Variants in TNKS observed in about 807,000 individuals in gnomAD.
TNKS encodes poly [ADP-ribose] polymerase tankyrase-1.
TNKS carries 72 observed loss-of-function variants against 135.8 expected under a neutral mutation model. The ratio of observed to expected loss-of-function variants is 0.53; its 90% CI spans 0.44 to 0.64. The LOEUF is 0.64. Among genes scored for constraint, TNKS ranks in the 30% least tolerant of loss-of-function variants. The probability of loss-of-function intolerance (pLI) is 0.00; values close to 1 mark genes in which losing one functional copy is unlikely to be tolerated. For missense variants in TNKS, 1,769 were observed against 1,674.0 expected (o/e 1.06, Z -0.99); for synonymous variants, 849 against 649.3 (o/e 1.31, Z -4.68).
intron 5 of TNKS, among the ~76,000 whole-genome samples, chr8:9,683,310 C>G (rs1802859955): frequency 6.6e-6 from 1 of 151,878 alleles, no homozygotes; most frequent in Non-Finnish European, 1.5e-5. Context: ...AAGTATCTGT[C>G]CTAGTAGATA....
At chr8:9,712,757 G>A (rs1013715954) in intron 11 of TNKS, among the ~76,000 whole-genome samples, 4 of 152,042 alleles carry the variant, frequency 2.6e-5, no homozygotes, top group African/African-American at 9.6e-5. Context: ...AGATGTGGTG[G>A]TGCATTCCTG....
chr8:9,556,551 G>GTAAAT lies in TNKS; in HGVS notation c.612_613insTAAAT (p.Ala205Ter). 2 of 1,614,174 alleles carry GTAAAT rather than the reference G, an allele frequency of 1.2e-6. No homozygotes were observed. Among genetic ancestry groups the GTAAAT allele is most frequent in the Non-Finnish European group, 1.7e-6 (2 of 1,180,050 alleles). On this transcript the variant is annotated stop_gained and frameshift_variant, in exon 1 of 27. Transcript: ENST00000310430. LOFTEE classifies it high-confidence loss of function. The stretch of plus-strand genomic sequence containing the variant: ...CCCGGGTAAAGAGGCTGGTGGACGC[G>GTAAAT]GCAAACGTAAATGCAAAGGACATGG...
At chr8:9,652,341 A>G (rs368759550) in intron 3 of TNKS, among the ~76,000 whole-genome samples, 11 of 152,184 alleles carry the variant, frequency 7.2e-5, no homozygotes, top group African/African-American at 2.4e-4. Context: ...GATCTGCATG[A>G]TTTTTCTAAT....
At chr8:9,667,180 T>C (rs546343675) in intron 3 of TNKS, among the ~76,000 whole-genome samples, 1 of 152,222 alleles carries the variant, frequency 6.6e-6, no homozygotes, top group Non-Finnish European at 1.5e-5. Context: ...TCTTAATATT[T>C]GTATTATTTT....
chr8:9,782,283 G>C lies in TNKS; in HGVS notation c.*5547G>C, dbSNP rs1042231076. On this transcript the variant is annotated 3_prime_UTR_variant, in exon 27 of 27. Coordinates refer to ENST00000310430, the MANE Select transcript of TNKS (RefSeq NM_003747.3). ...TATATTTAACCTGCAATTGTGCTTT[G>C]GCTTAATGTCTAGCTCACTGTACTT... is the stretch of plus-strand genomic sequence containing the variant. 3 of 152,556 alleles carry C rather than the reference G, an allele frequency of 2.0e-5. No individual in the cohort carries two copies. Among genetic ancestry groups the C allele is most frequent in the African/African-American group, 7.2e-5 (3 of 41,430 alleles). 9.5% of individuals were successfully genotyped at this position (152,556 alleles called of 1,614,324 possible).
chr8:9,575,173 G>T lies in TNKS; in HGVS notation c.674-4986G>T, dbSNP rs189297680. On this transcript the variant is annotated intron_variant, in intron 1 of 26. Transcript: ENST00000310430. The stretch of plus-strand genomic sequence containing the variant: ...GCGATCTCGGCTCATTGCAAGCTCC[G>T]CCTCCCGGGTTCACGCCATTCTCCT... 984 of 713,994 alleles carry T rather than the reference G, an allele frequency of 1.4e-3. 9 individuals carry two copies. The African/African-American group carries it at 0.018, about 13-fold the overall frequency. 44.2% of individuals were successfully genotyped at this position (713,994 alleles called of 1,614,324 possible).
chr8:9,680,268 C>A (rs1174065287), intron 4 of TNKS, among the ~76,000 whole-genome samples: 2 of 152,086 alleles, frequency 1.3e-5, no homozygotes, highest in South Asian at 2.1e-4. Context: ...TATTTAAATA[C>A]CTATATCTTC....
At chr8:9,712,652 G>T (rs1307023076) in intron 11 of TNKS, among the ~76,000 whole-genome samples, 1 of 152,108 alleles carries the variant, frequency 6.6e-6, no homozygotes, top group Non-Finnish European at 1.5e-5. Flanking sequence ...CACTTTGGGA[G>T]ACTGAGGTGG....
intron 10 of TNKS, 31 bp from the exon 11 acceptor site, chr8:9,710,111 T>A (rs773925176): frequency 1.2e-6 from 2 of 1,611,930 alleles, no homozygotes; most frequent in Non-Finnish European, 1.7e-6. Flanking sequence ...AGAGAGACAA[T>A]TACCTTTTCT....
intron 1 of TNKS, among the ~76,000 whole-genome samples, chr8:9,565,366 C>G (rs999197380): frequency 2.0e-5 from 3 of 152,098 alleles, no homozygotes; most frequent in African/African-American, 7.2e-5. Context: ...GTAGAACAAA[C>G]TAAACTGCTG....
chr8:9,601,630 A>G (rs879814626), intron 2 of TNKS, among the ~76,000 whole-genome samples: 1 of 152,144 alleles, frequency 6.6e-6, no homozygotes, highest in Non-Finnish European at 1.5e-5. Flanking sequence ...TTTGCGTTCA[A>G]TGGAATACCT....
rs1297754669 is a variant in TNKS, at chr8:9,641,584, A to G, written c.994+25907A>G. Among the ~76,000 whole-genome samples, 4 of 145,752 alleles carry G rather than the reference A, an allele frequency of 2.7e-5. 1 individual carries two copies. The highest frequency in any genetic ancestry group is 1.0e-4 in the African/African-American group (4 of 39,334). Reference sequence around the variant, plus strand: ...TTGTGTTTTTGGAATTTATTCACAAAAACTCTAGTGCCATTGAGTATTTCT... The same window carrying G: ...TTGTGTTTTTGGAATTTATTCACAAGAACTCTAGTGCCATTGAGTATTTCT... On this transcript the variant is annotated intron_variant, in intron 3 of 26. Transcript: ENST00000310430.
intron 1 of TNKS, among the ~76,000 whole-genome samples, chr8:9,579,691 A>C (rs908774036): frequency 2.7e-5 from 4 of 150,470 alleles, no homozygotes; most frequent in African/African-American, 9.8e-5. Flanking sequence ...CTGGTCTTGA[A>C]CTCCTGACCT....
At position 9,574,298 on chromosome 8, in the gene TNKS, T is replaced by C. The variant is rs537317507; in HGVS notation, c.674-5861T>C. 1.6e-4 allele frequency among the ~76,000 whole-genome samples: 25 copies of C among 152,358 alleles called. No homozygotes were observed. In the South Asian group the frequency reaches 5.2e-3, roughly 32 times the overall value. ...ACTTCTTGTTGCTACCTGCTTTGCC[T>C]GACCCTTCCTCAACTGGCGCCTCTA... On this transcript the variant is annotated intron_variant, in intron 1 of 26. Coordinates refer to ENST00000310430, the MANE Select transcript of TNKS (RefSeq NM_003747.3).
At chr8:9,621,539 C>G (rs1453707854) in intron 3 of TNKS, among the ~76,000 whole-genome samples, 1 of 152,128 alleles carries the variant, frequency 6.6e-6, no homozygotes, top group African/African-American at 2.4e-5. Context: ...CTCCTGACCT[C>G]AGGTGATCCA....
intron 5 of TNKS, among the ~76,000 whole-genome samples, chr8:9,704,120 G>A (rs866035884): frequency 2.0e-5 from 3 of 152,230 alleles, no homozygotes; most frequent in South Asian, 2.1e-4. Flanking sequence ...ATTACTAGCC[G>A]CCGTACAGAA....
At chr8:9,769,967 T>C (rs116980833) in intron 25 of TNKS, 139 bp from the exon 26 acceptor site, 19 of 702,724 alleles carry the variant, frequency 2.7e-5, no homozygotes, top group Non-Finnish European at 4.3e-5. Flanking sequence ...TTCCATCCCA[T>C]TCCTACTCAT....
chr8:9,713,304 T>G (rs1157253173), intron 11 of TNKS, among the ~76,000 whole-genome samples: 3 of 152,218 alleles, frequency 2.0e-5, no homozygotes, highest in Non-Finnish European at 2.9e-5. Flanking sequence ...TTTGACCCGT[T>G]TTTGCAAATA....
chr8:9,580,133 C>T (rs908838849), intron 1 of TNKS, 26 bp from the exon 2 acceptor site: 2 of 1,591,192 alleles, frequency 1.3e-6, no homozygotes, highest in Non-Finnish European at 1.7e-6. Flanking sequence ...AATATATATA[C>T]AAGACATTTT....
Sources: gnomAD v4.1 joint callset for allele counts (sites outside exome capture counted in the v4.1 genomes callset) on GRCh38, gnomAD v4.1.1 for gene constraint, MANE v1.5 for transcripts, NCBI Gene and HGNC (gene_info 2026-07-23, HGNC 2026-07-21) for gene names.